The following SYT1 variants were observed in gnomAD, a reference collection of about 807,000 sequenced individuals.
SYT1 encodes synaptotagmin-1.
Under a neutral mutation model 44.8 loss-of-function variants are expected in SYT1, and 8 were observed. The observed-to-expected ratio is 0.18, with a 90% CI of 0.10 to 0.32. The LOEUF is 0.32. Ranked by LOEUF, SYT1 falls within the 10% of genes least tolerant of loss-of-function variation. The pLI is 1.00. For synonymous variants in SYT1, 154 were observed against 188.8 expected, an observed-to-expected ratio of 0.82 and a Z score of 1.51; for missense variants, 286 against 509.3, an observed-to-expected ratio of 0.56 and a Z score of 4.22.
At chr12:79,327,705 G>A (rs1425830770) in intron 8 of SYT1, among the ~76,000 whole-genome samples, 1 of 152,202 alleles carries the variant, frequency 6.6e-6, no homozygotes, top group African/African-American at 2.4e-5. Flanking sequence ...CTAGGCTCAA[G>A]GACTTCATAG....
intron 2 of SYT1, among the ~76,000 whole-genome samples, chr12:79,007,202 A>G (rs1191637399): frequency 6.6e-6 from 1 of 152,092 alleles, no homozygotes; most frequent in East Asian, 1.9e-4. Flanking sequence ...ATATGACTAA[A>G]TATAGCAACT....
intron 1 of SYT1, among the ~76,000 whole-genome samples, chr12:78,929,149 C>A (rs995677711): frequency 1.3e-5 from 2 of 151,724 alleles, no homozygotes; most frequent in Non-Finnish European, 2.9e-5. Context: ...CTCCTGTAAT[C>A]TCAACACTTT....
intron 3 of SYT1, among the ~76,000 whole-genome samples, chr12:79,052,363 G>T (rs1219119792): frequency 2.0e-5 from 3 of 152,040 alleles, no homozygotes; most frequent in Non-Finnish European, 4.4e-5. Context: ...ATTCAAGATG[G>T]ATTAAAGACT....
chr12:79,086,718 A>G (rs1015627429), intron 3 of SYT1, among the ~76,000 whole-genome samples: 2 of 152,158 alleles, frequency 1.3e-5, no homozygotes, highest in African/African-American at 4.8e-5. Flanking sequence ...GGGTTGTCAA[A>G]TATCATTGGT....
intron 4 of SYT1, among the ~76,000 whole-genome samples, chr12:79,233,259 A>C (rs573492652): frequency 6.6e-6 from 1 of 152,338 alleles, no homozygotes; most frequent in East Asian, 1.9e-4. Context: ...AAAAATAACG[A>C]ATTGTATTGA....
intron 3 of SYT1, among the ~76,000 whole-genome samples, chr12:79,087,133 G>T (rs1877436242): frequency 6.6e-6 from 1 of 152,104 alleles, no homozygotes; most frequent in Non-Finnish European, 1.5e-5. Context: ...TCTAAAATAT[G>T]TCTTTGTTTT....
At chr12:78,921,343 C>A (rs1368884845) in intron 1 of SYT1, among the ~76,000 whole-genome samples, 1 of 151,890 alleles carries the variant, frequency 6.6e-6, no homozygotes, top group Non-Finnish European at 1.5e-5. Flanking sequence ...GAAACCGATA[C>A]TCAAGTTTGT....
intron 3 of SYT1, among the ~76,000 whole-genome samples, chr12:79,211,695 G>C (rs1299511485): frequency 6.7e-6 from 1 of 149,460 alleles, no homozygotes; most frequent in Admixed American, 6.8e-5. Context: ...GCGGTGTTTG[G>C]TTTTTTGTTC....
chr12:79,198,463 T>G (rs1346813449), intron 3 of SYT1, among the ~76,000 whole-genome samples: 1 of 151,990 alleles, frequency 6.6e-6, no homozygotes, highest in South Asian at 2.1e-4. Flanking sequence ...TAAAAGGCAT[T>G]GATTTGGGAA....
chr12:79,328,041 C>G (rs1378960832), intron 8 of SYT1, among the ~76,000 whole-genome samples: 1 of 152,162 alleles, frequency 6.6e-6, no homozygotes, highest in Non-Finnish European at 1.5e-5. Flanking sequence ...GATATTAAAG[C>G]TGTCAGTGGC....
At chr12:79,208,074 G>A (rs555399172) in intron 3 of SYT1, among the ~76,000 whole-genome samples, 96 of 152,198 alleles carry the variant, frequency 6.3e-4, no homozygotes, top group African/African-American at 2.3e-3. Context: ...CTCTCTGCAC[G>A]TATCCTTTTT....
At chr12:79,154,414 T>C (rs570808287) in intron 3 of SYT1, among the ~76,000 whole-genome samples, 1 of 151,982 alleles carries the variant, frequency 6.6e-6, no homozygotes, top group African/African-American at 2.4e-5. Context: ...TCCTTTTTTT[T>C]TTTTAATAAA....
intron 2 of SYT1, among the ~76,000 whole-genome samples, chr12:79,003,801 T>G (rs1473193154): frequency 6.6e-6 from 1 of 151,954 alleles, no homozygotes; most frequent in Non-Finnish European, 1.5e-5. Context: ...AAAGAAAAAA[T>G]GTAGGCTTTG....
At chr12:79,350,213 G>A (rs1882827481) in intron 8 of SYT1, among the ~76,000 whole-genome samples, 1 of 151,766 alleles carries the variant, frequency 6.6e-6, no homozygotes, top group Non-Finnish European at 1.5e-5. Flanking sequence ...TCCTTCTTGC[G>A]GGCAGTATCA....
In SYT1 at chr12:79,038,178, T is replaced by TAC. The variant is rs1188910217; in HGVS notation, c.-83-9109_-83-9108dup. 4.9e-5 allele frequency among the ~76,000 whole-genome samples: 7 copies of TAC among 142,640 alleles called. No individual in the cohort carries two copies. The East Asian group carries it at 6.3e-4, about 13-fold the overall frequency. The allele number at this position is 142,640 out of a possible 152,430, so 93.6% of individuals were successfully genotyped here. A position where few individuals can be genotyped will look rare whatever the true frequency, so the allele number is the denominator to read the frequency against. ...GTGAATATATGAATATATATATATA[T>TAC]ACACACACACATATATATACACATA... On this transcript the variant is annotated intron_variant, in intron 2 of 10. Coordinates refer to ENST00000261205, the MANE Select transcript of SYT1 (RefSeq NM_005639.3).
chr12:79,174,059 G>A (rs1034736634), intron 3 of SYT1, among the ~76,000 whole-genome samples: 13 of 152,060 alleles, frequency 8.5e-5, no homozygotes, highest in East Asian at 3.9e-4. Context: ...GAAGACAGAC[G>A]TCTATAATGA....
intron 9 of SYT1, chr12:79,419,403 C>T (rs550429112): frequency 4.8e-6 from 2 of 417,158 alleles, no homozygotes; most frequent in South Asian, 3.6e-5. Flanking sequence ...GTGGTAAGCT[C>T]ACAGTATCCG....
intron 9 of SYT1, among the ~76,000 whole-genome samples, chr12:79,361,509 A>G (rs1349579675): frequency 6.6e-6 from 1 of 152,196 alleles, no homozygotes; most frequent in African/African-American, 2.4e-5. Context: ...AATATCCTCT[A>G]TACTCAAGCT....
At chr12:79,366,444 C>T (rs1342089240) in intron 9 of SYT1, among the ~76,000 whole-genome samples, 1 of 152,200 alleles carries the variant, frequency 6.6e-6, no homozygotes, top group African/African-American at 2.4e-5. Flanking sequence ...TTATATGTGC[C>T]CTGACCTTGC....
Sources: allele counts gnomAD v4.1 joint callset (sites outside exome capture counted in the v4.1 genomes callset), GRCh38; gene constraint gnomAD v4.1.1; transcripts MANE v1.5; gene names NCBI Gene and HGNC (gene_info 2026-07-23, HGNC 2026-07-21).